DNAH12: variants seen among roughly 807,000 people sequenced by gnomAD.
DNAH12 encodes the protein axonemal beta dynein heavy chain 12.
In DNAH12, 285 loss-of-function variants were observed where a neutral mutation model predicts 371.5. The ratio of observed to expected loss-of-function variants is 0.77; its 90% confidence interval spans 0.70 to 0.85. DNAH12 has a LOEUF of 0.85. Ranked by LOEUF, DNAH12 falls within the 40% of genes least tolerant of loss-of-function variation. DNAH12 has a pLI of 0.00. For missense variants in DNAH12, 3,611 were observed against 3,689.4 expected (o/e 0.98, Z 0.55); for synonymous variants, 1,200 against 1,213.0 (o/e 0.99, Z 0.22).
rs1455554808 is a variant in DNAH12, at chr3:57,360,045, T to A, written c.9361-2697A>T. On this transcript the variant is annotated intron_variant, in intron 58 of 73. Transcript: ENST00000495027. ...AAGATAAAGCACTTGAACCAATAAA[T>A]AATTAAATCTTCCTTTCTCTTCGAG... Among the ~76,000 whole-genome samples, 12 of 152,192 alleles carry A rather than the reference T, an allele frequency of 7.9e-5. No individual in the cohort carries two copies. In the East Asian group the frequency reaches 2.1e-3, roughly 27 times the overall value.
intron 30 of DNAH12, among the ~76,000 whole-genome samples, chr3:57,436,361 C>CTA: frequency 6.6e-6 from 1 of 152,112 alleles, no homozygotes; most frequent in Non-Finnish European, 1.5e-5. Context: ...AGTTTAAACT[C>CTA]TATTAGTTTC....
intron 73 of DNAH12, among the ~76,000 whole-genome samples, 191 bp from the exon 74 acceptor site, chr3:57,294,162 ATTTCT>A (rs1369176406): frequency 5.0e-4 from 71 of 141,208 alleles, no homozygotes; most frequent in African/African-American, 1.1e-3. Flanking sequence ...CAAGGCAAGT[ATTTCT>A]TTTCTTTTCT....
chr3:57,430,119 G>A (rs2153365408), intron 32 of DNAH12, among the ~76,000 whole-genome samples: 1 of 152,158 alleles, frequency 6.6e-6, no homozygotes, highest in Non-Finnish European at 1.5e-5. Context: ...AATTTATAAA[G>A]TGACCATAGA....
chr3:57,347,320 G>C (rs2062565532), intron 60 of DNAH12, among the ~76,000 whole-genome samples: 1 of 152,148 alleles, frequency 6.6e-6, no homozygotes, highest in Non-Finnish European at 1.5e-5. Context: ...ATTTATTATA[G>C]GTATGAAAGG....
intron 12 of DNAH12, among the ~76,000 whole-genome samples, chr3:57,488,593 T>G (rs75569572): frequency 2.0e-5 from 3 of 152,164 alleles, no homozygotes; most frequent in Admixed American, 6.5e-5. Flanking sequence ...CAATCAGTAT[T>G]CAAATTCATG....
intron 45 of DNAH12, among the ~76,000 whole-genome samples, chr3:57,391,296 C>A (rs916474080): frequency 6.6e-6 from 1 of 152,106 alleles, no homozygotes; most frequent in African/African-American, 2.4e-5. Flanking sequence ...AAAATGCTGA[C>A]CCTCCCCCAA....
chr3:57,320,648 G>A (rs1197184078), intron 65 of DNAH12, among the ~76,000 whole-genome samples: 1 of 152,092 alleles, frequency 6.6e-6, no homozygotes, highest in African/African-American at 2.4e-5. Context: ...GAAGGCAATG[G>A]TTTTCAAAGT....
chr3:57,481,486 C>T (rs2066740415), intron 13 of DNAH12, among the ~76,000 whole-genome samples: 1 of 151,866 alleles, frequency 6.6e-6, no homozygotes, highest in Non-Finnish European at 1.5e-5. Flanking sequence ...GTGAAAATGG[C>T]CATACTGCCC....
chr3:57,401,743 T>C (rs1461673980), intron 43 of DNAH12, among the ~76,000 whole-genome samples: 1 of 148,648 alleles, frequency 6.7e-6, no homozygotes, highest in Non-Finnish European at 1.5e-5. Context: ...AGAAGATCAA[T>C]ACAAAAAAAA....
At chr3:57,507,475 T>C (rs1303587256) in intron 8 of DNAH12, among the ~76,000 whole-genome samples, 168 bp downstream of exon 8, 2 of 152,184 alleles carry the variant, frequency 1.3e-5, no homozygotes, top group Non-Finnish European at 2.9e-5. Flanking sequence ...TCATTTTAGA[T>C]AGTTTCAGAA....
chr3:57,351,275 C>G (rs184286181), intron 60 of DNAH12, among the ~76,000 whole-genome samples: 1 of 150,772 alleles, frequency 6.6e-6, no homozygotes, highest in Non-Finnish European at 1.5e-5. Context: ...TCAAAACAAA[C>G]AAACAAACAA....
chr3:57,344,261 G>A (rs2062483569), intron 60 of DNAH12, among the ~76,000 whole-genome samples: 1 of 86,304 alleles, frequency 1.2e-5, no homozygotes, highest in South Asian at 3.6e-4. Context: ...ACCCCAGTTA[G>A]AATGGCTATC....
chr3:57,520,916 T>A (rs2068404907), intron 4 of DNAH12, among the ~76,000 whole-genome samples: 1 of 151,870 alleles, frequency 6.6e-6, no homozygotes, highest in African/African-American at 2.4e-5. Flanking sequence ...GCTTTTAATT[T>A]TGATGAAGTC....
At chr3:57,349,821 G>A (rs1553659534) in intron 60 of DNAH12, among the ~76,000 whole-genome samples, 2 of 152,114 alleles carry the variant, frequency 1.3e-5, no homozygotes, top group East Asian at 3.9e-4. Context: ...TTGAGTAGCT[G>A]GGACTACAGG....
rs1315383354 is a variant in DNAH12, at chr3:57,357,194, A to G, written c.9515T>C (p.Ile3172Thr). ...YSLTWFVNLYINSIHDSNKSK... is the reference protein window; with the variant it reads ...YSLTWFVNLYTNSIHDSNKSK... ...TGTTTACCTGTCATGAATAGAGTTG[A>G]TATAAAGGTTCACAAACCACGTGAG... The change falls in exon 59 of 74, where the codon ATC (isoleucine) becomes ACC (threonine). Residue 3172 changes from isoleucine (I) to threonine (T), a missense_variant. By Grantham distance (89) the Ile-to-Thr change is moderately conservative. Coordinates refer to ENST00000495027, the MANE Select transcript of DNAH12 (RefSeq NM_001366028.2). 3 of 152,208 alleles carry G rather than the reference A, an allele frequency of 2.0e-5. No individual in the cohort carries two copies. Among genetic ancestry groups the G allele is most frequent in the Non-Finnish European group, 4.4e-5 (3 of 68,038 alleles). The allele number at this position is 152,208 out of a possible 1,614,324, so 9.4% of individuals were successfully genotyped here.
chr3:57,553,557 C>T, the DNAH12 span, among the ~76,000 whole-genome samples: 1 of 152,178 alleles, frequency 6.6e-6, no homozygotes, highest in Non-Finnish European at 1.5e-5. Flanking sequence ...CAGACACACA[C>T]GTTTCCAGGC....
At chr3:57,495,422 G>A (rs1049290577) in intron 11 of DNAH12, among the ~76,000 whole-genome samples, 8 of 150,690 alleles carry the variant, frequency 5.3e-5, no homozygotes, top group East Asian at 3.9e-4. Flanking sequence ...TTAGCTGGGC[G>A]TGGTCACGGG....
At chr3:57,544,645 A>G (rs1352916954), upstream of DNAH12, among the ~76,000 whole-genome samples, 1 of 152,240 alleles carries the variant, frequency 6.6e-6, no homozygotes, top group Non-Finnish European at 1.5e-5. Flanking sequence ...TCTCAGCAAG[A>G]GAATCAAGTC....
chr3:57,390,424 A>ATATATATATATAT (rs1553674589), intron 45 of DNAH12, among the ~76,000 whole-genome samples: 3 of 33,440 alleles, frequency 9.0e-5, no homozygotes, highest in African/African-American at 1.9e-4. Flanking sequence ...AAAAAAAAAA[A>ATATATATATATAT]ATATATATAT....
Sources: allele counts gnomAD v4.1 joint callset (sites outside exome capture counted in the v4.1 genomes callset), GRCh38; gene constraint gnomAD v4.1.1; transcripts MANE v1.5; gene names NCBI Gene and HGNC (gene_info 2026-07-23, HGNC 2026-07-21).